PCDHA10: variants seen among roughly 807,000 people sequenced by gnomAD.
PCDHA10 encodes protocadherin alpha 10, also known as protocadherin alpha-10.
In PCDHA10, 45 loss-of-function variants were observed where a neutral mutation model predicts 61.2. That is an observed-to-expected ratio of 0.74 (90% CI 0.58 to 0.94). PCDHA10 has a LOEUF of 0.94. Among genes scored for constraint, PCDHA10 ranks in the 40% least tolerant of loss-of-function variants. The probability of loss-of-function intolerance (pLI) is 0.00; values close to 1 mark genes in which losing one functional copy is unlikely to be tolerated. For synonymous variants in PCDHA10, 602 were observed against 548.8 expected, an observed-to-expected ratio of 1.10 and a Z score of -1.35; for missense variants, 1,278 against 1,236.2, an observed-to-expected ratio of 1.03 and a Z score of -0.51.
chr5:140,940,450 A>G (rs1279490375), intron 1 of PCDHA10, among the ~76,000 whole-genome samples: 1 of 151,884 alleles, frequency 6.6e-6, no homozygotes, highest in Non-Finnish European at 1.5e-5. Flanking sequence ...GATATTTTTT[A>G]TAGGTTTCTG....
intron 1 of PCDHA10, among the ~76,000 whole-genome samples, chr5:140,891,366 T>C (rs1261887556): frequency 6.6e-6 from 1 of 152,168 alleles, no homozygotes; most frequent in Non-Finnish European, 1.5e-5. Flanking sequence ...CTGAGCAGTA[T>C]ACATTGCACC....
At chr5:140,917,326 G>GT (rs1425389614) in intron 1 of PCDHA10, among the ~76,000 whole-genome samples, 1 of 149,490 alleles carries the variant, frequency 6.7e-6, no homozygotes, top group Non-Finnish European at 1.5e-5. Flanking sequence ...TCATGTGGCG[G>GT]GGGAGGGGGG....
chr5:140,858,465 T>C lies in PCDHA10; in HGVS notation c.2388+29T>C, dbSNP rs1554151663. The C allele has an allele frequency of 1.3e-6, 2 of 1,522,706 alleles. 1 individual carries two copies. The allele number at this position is 1,522,706 out of a possible 1,614,324, so 94.3% of individuals were successfully genotyped here. ...GGTTATTACGTTTTCATTTTCCTTT[T>C]GTGCTTTATGAATAATATTTTCTCT... On this transcript the variant is annotated intron_variant, in intron 1 of 3. Coordinates refer to ENST00000307360, the MANE Select transcript of PCDHA10 (RefSeq NM_018901.4).
chr5:140,991,310 C>T (rs1450251256), intron 3 of PCDHA10, among the ~76,000 whole-genome samples: 2 of 152,140 alleles, frequency 1.3e-5, no homozygotes, highest in Admixed American at 6.5e-5. Flanking sequence ...TATCTTGTCC[C>T]GCATGATACA....
chr5:140,893,781 G>C (rs113070458), intron 1 of PCDHA10, among the ~76,000 whole-genome samples: 1 of 151,996 alleles, frequency 6.6e-6, no homozygotes, highest in Non-Finnish European at 1.5e-5. Context: ...TTCTTTTACC[G>C]TTTTTAGAAT....
At chr5:140,977,619 C>T (rs1289978944) in intron 1 of PCDHA10, among the ~76,000 whole-genome samples, 1 of 152,240 alleles carries the variant, frequency 6.6e-6, no homozygotes, top group African/African-American at 2.4e-5. Context: ...TAAAGTATCC[C>T]AGAGTTGTAA....
chr5:140,871,272 G>C lies in PCDHA10; in HGVS notation c.2388+12836G>C, dbSNP rs782818690. Reference sequence around the variant, plus strand: ...TGCTGTATACGGCGCTGTGGTGGTCGGCAACGCCCACTGAGGGCGCGTGCG... The same window carrying C: ...TGCTGTATACGGCGCTGTGGTGGTCCGCAACGCCCACTGAGGGCGCGTGCG... On this transcript the variant is annotated intron_variant, in intron 1 of 3. Coordinates refer to ENST00000307360, the MANE Select transcript of PCDHA10 (RefSeq NM_018901.4). 25 of 1,613,826 alleles carry C rather than the reference G, an allele frequency of 1.5e-5. No individual in the cohort carries two copies. The East Asian group carries it at 5.1e-4, about 33-fold the overall frequency.
At chr5:140,928,061 C>T (rs2084900711) in intron 1 of PCDHA10, 1 of 1,614,192 alleles carries the variant, frequency 6.2e-7, no homozygotes, top group African/African-American at 1.3e-5. Flanking sequence ...CTGACGGCTT[C>T]CTTTGACAAC....
intron 1 of PCDHA10, among the ~76,000 whole-genome samples, chr5:140,915,707 T>C (rs545075490): frequency 1.3e-4 from 19 of 151,930 alleles, no homozygotes; most frequent in Non-Finnish European, 2.6e-4. Flanking sequence ...AGCACTCCTG[T>C]GGCCCCCACT....
In PCDHA10 at chr5:140,928,040, GC is replaced by G. The variant is rs782389793; in HGVS notation, c.2389-50906del. The G allele has an allele frequency of 2.1e-4, 337 of 1,614,060 alleles. 1 individual carries two copies. Among genetic ancestry groups the G allele is most frequent in the Non-Finnish European group, 2.6e-4 (309 of 1,180,038 alleles). ...GTCATTTGTGGCATGTCTAGTGCAG[GC>G]CCTTTTCAGCTGACGGCTTCCTTTG... is the stretch of plus-strand genomic sequence containing the variant. On this transcript the variant is annotated intron_variant, in intron 1 of 3. Coordinates refer to ENST00000307360, the MANE Select transcript of PCDHA10 (RefSeq NM_018901.4).
chr5:140,935,286 C>T (rs1283279527), intron 1 of PCDHA10, among the ~76,000 whole-genome samples: 1 of 152,150 alleles, frequency 6.6e-6, no homozygotes, highest in Non-Finnish European at 1.5e-5. Context: ...TAAAGTTCAG[C>T]ACTCCGAGGT....
chr5:140,856,360 C>G lies in PCDHA10; in HGVS notation c.312C>G (p.His104Gln). The part of the protein sequence containing the change: ...LCGRSVECSI[H>Q]LEVIVDRPLQ... ...GGCGGAGCGTGGAGTGCAGCATCCA[C>G]CTGGAGGTGATCGTGGACAGGCCGC... The change falls in exon 1 of 4, where the codon CAC becomes CAG. Residue 104 changes from histidine (H) to glutamine (Q), a missense_variant. Transcript: ENST00000307360. 1 of 1,598,550 alleles carries G rather than the reference C, an allele frequency of 6.3e-7. No individual in the cohort carries two copies. Among genetic ancestry groups the G allele is most frequent in the Non-Finnish European group, 8.6e-7 (1 of 1,167,992 alleles).
At chr5:140,919,355 A>C (rs2079096245) in intron 1 of PCDHA10, among the ~76,000 whole-genome samples, 1 of 152,174 alleles carries the variant, frequency 6.6e-6, no homozygotes, top group South Asian at 2.1e-4. Flanking sequence ...TTGAATCTAA[A>C]AGTGTCTCCT....
intron 2 of PCDHA10, among the ~76,000 whole-genome samples, chr5:140,981,680 C>G (rs1238332235): frequency 6.6e-6 from 1 of 151,746 alleles, no homozygotes; most frequent in Non-Finnish European, 1.5e-5. Context: ...CTTCCTTCCT[C>G]CCTTCCATCA....
chr5:140,915,863 A>C (rs1424465325), intron 1 of PCDHA10, among the ~76,000 whole-genome samples: 1 of 152,172 alleles, frequency 6.6e-6, no homozygotes, highest in Non-Finnish European at 1.5e-5. Context: ...CCAAGTTTGC[A>C]TCCTTCCCTT....
intron 1 of PCDHA10, among the ~76,000 whole-genome samples, chr5:140,931,040 A>G (rs2087258988): frequency 6.6e-6 from 1 of 152,242 alleles, no homozygotes; most frequent in South Asian, 2.1e-4. Flanking sequence ...GCTAGCAAGA[A>G]AAACTTCAAT....
Position 140,972,810 on chromosome 5 carries a change from C to T in PCDHA10, c.2389-6139C>T, listed in dbSNP as rs546110006. 7.2e-5 allele frequency among the ~76,000 whole-genome samples: 11 copies of T among 151,984 alleles called. No homozygotes were observed. In the East Asian group the frequency reaches 9.7e-4, roughly 13 times the overall value. On this transcript the variant is annotated intron_variant, in intron 1 of 3. Transcript: ENST00000307360. ...TCCTGAGTAGCTGAGATTACAGGCA[C>T]GCGCCACCACGCCTGGCTAATTTTT...
intron 1 of PCDHA10, chr5:140,864,763 A>T (rs976670249): frequency 6.6e-6 from 1 of 152,064 alleles, no homozygotes; most frequent in East Asian, 1.9e-4. Context: ...TTTTTCTTTC[A>T]TTTTTGGTAC....
chr5:140,875,687 G>T, intron 1 of PCDHA10: 10 of 1,614,012 alleles, frequency 6.2e-6, no homozygotes, highest in Non-Finnish European at 8.5e-6. Context: ...AAAAGACACG[G>T]GGACCTTCTG....
Sources: allele counts gnomAD v4.1 joint callset (sites outside exome capture counted in the v4.1 genomes callset), GRCh38; gene constraint gnomAD v4.1.1; transcripts MANE v1.5; gene names NCBI Gene and HGNC (gene_info 2026-07-23, HGNC 2026-07-21).